The following SNTG1 variants were observed in gnomAD, a reference collection of about 807,000 sequenced individuals.
SNTG1 encodes the protein syntrophin gamma 1, also known as gamma-1-syntrophin.
In SNTG1, 39 loss-of-function variants were observed where a neutral mutation model predicts 74.7. That is an observed-to-expected ratio of 0.52 (90% CI 0.40 to 0.68). The LOEUF (loss-of-function observed/expected upper bound fraction) is 0.68, where lower values mean the gene tolerates loss of function less well. Ranked by LOEUF, SNTG1 falls within the 30% of genes least tolerant of loss-of-function variation. SNTG1 has a pLI of 0.00. For missense variants in SNTG1, 685 were observed against 609.5 expected (o/e 1.12, Z -1.30); for synonymous variants, 254 against 217.1 (o/e 1.17, Z -1.49).
At chr8:49,959,601 C>T (rs1324045948) in intron 1 of SNTG1, among the ~76,000 whole-genome samples, 1 of 152,190 alleles carries the variant, frequency 6.6e-6, no homozygotes, top group Admixed American at 6.5e-5. Context: ...AAGGTCCATC[C>T]ATGTTGTGTA....
chr8:50,667,933 A>C (rs1209876795), intron 15 of SNTG1, among the ~76,000 whole-genome samples: 1 of 152,016 alleles, frequency 6.6e-6, no homozygotes. Context: ...CTGATAATAG[A>C]ACTTTAATTC....
chr8:50,767,478 T>C (rs893739828), intron 18 of SNTG1, among the ~76,000 whole-genome samples: 1 of 151,984 alleles, frequency 6.6e-6, no homozygotes, highest in Non-Finnish European at 1.5e-5. Flanking sequence ...AATTCATAAA[T>C]TCTTACTTCA....
chr8:50,298,415 A>C (rs1046975423), intron 2 of SNTG1, among the ~76,000 whole-genome samples: 14 of 152,094 alleles, frequency 9.2e-5, no homozygotes, highest in Non-Finnish European at 1.5e-4. Context: ...AGAGTGAGGG[A>C]AGCTGCCTTA....
chr8:50,038,183 A>T (rs1818322863), intron 1 of SNTG1, among the ~76,000 whole-genome samples: 1 of 152,152 alleles, frequency 6.6e-6, no homozygotes. Context: ...GTACACGTGG[A>T]AAACAATCAC....
chr8:49,919,039 T>C (rs1365850427), intron 1 of SNTG1, among the ~76,000 whole-genome samples: 3 of 152,298 alleles, frequency 2.0e-5, no homozygotes, highest in Admixed American at 6.5e-5. Context: ...TTTGCCTACG[T>C]GATAACATTT....
At chr8:50,139,559 A>G (rs1310074775) in intron 1 of SNTG1, among the ~76,000 whole-genome samples, 1 of 152,234 alleles carries the variant, frequency 6.6e-6, no homozygotes, top group Non-Finnish European at 1.5e-5. Context: ...ATATGCTAAA[A>G]TAACTCCAAC....
chr8:50,079,433 G>C lies in SNTG1; in HGVS notation c.-102-93128G>C, dbSNP rs564143013. The stretch of plus-strand genomic sequence containing the variant: ...TTGTTTTTTTTTTTCTTGTAAATTT[G>C]TTTAAGTTCCTTGTAGATTCTGGAT... On this transcript the variant is annotated intron_variant, in intron 1 of 18. Coordinates refer to ENST00000642720, the MANE Select transcript of SNTG1 (RefSeq NM_018967.5). 2.3e-4 allele frequency among the ~76,000 whole-genome samples: 34 copies of C among 147,772 alleles called. No homozygotes were observed. The South Asian group carries it at 6.8e-3, about 30-fold the overall frequency.
At chr8:50,379,043 A>T (rs567875138) in intron 2 of SNTG1, among the ~76,000 whole-genome samples, 1 of 152,168 alleles carries the variant, frequency 6.6e-6, no homozygotes, top group Admixed American at 6.5e-5. Context: ...GCAGCTGTTC[A>T]TGGAGCCCAG....
chr8:50,268,912 G>A (rs1199804775), intron 2 of SNTG1, among the ~76,000 whole-genome samples: 5 of 152,068 alleles, frequency 3.3e-5, no homozygotes, highest in African/African-American at 1.2e-4. Context: ...GTCTGCCTCG[G>A]CCTCCTAAAG....
intron 1 of SNTG1, among the ~76,000 whole-genome samples, chr8:49,930,166 T>A (rs1357204480): frequency 6.6e-6 from 1 of 151,986 alleles, no homozygotes; most frequent in Non-Finnish European, 1.5e-5. Context: ...AAGTCTCCCA[T>A]GAACTTTATA....
intron 1 of SNTG1, among the ~76,000 whole-genome samples, chr8:50,028,985 T>A (rs1817516813): frequency 6.6e-6 from 1 of 152,152 alleles, no homozygotes; most frequent in Non-Finnish European, 1.5e-5. Flanking sequence ...TGGTTTTTAA[T>A]GTTGAGTTTT....
At chr8:50,780,926 A>G (rs1479733559) in intron 18 of SNTG1, among the ~76,000 whole-genome samples, 1 of 152,210 alleles carries the variant, frequency 6.6e-6, no homozygotes, top group Admixed American at 6.5e-5. Flanking sequence ...TTGCTTTCAA[A>G]GAACATCTTT....
At chr8:50,117,929 G>A (rs1348955058) in intron 1 of SNTG1, among the ~76,000 whole-genome samples, 2 of 152,100 alleles carry the variant, frequency 1.3e-5, no homozygotes, top group African/African-American at 4.8e-5. Context: ...GAAGTGTGCT[G>A]AGTTCCCTGT....
At chr8:50,156,062 T>C (rs2082245176) in intron 1 of SNTG1, among the ~76,000 whole-genome samples, 1 of 152,104 alleles carries the variant, frequency 6.6e-6, no homozygotes, top group Non-Finnish European at 1.5e-5. Flanking sequence ...CTGCTAAGAC[T>C]AATACAAAAA....
intron 13 of SNTG1, among the ~76,000 whole-genome samples, chr8:50,645,663 A>T (rs973213323): frequency 6.6e-6 from 1 of 152,178 alleles, no homozygotes; most frequent in Non-Finnish European, 1.5e-5. Context: ...TCTCACTGTA[A>T]TGAGAGGACT....
At chr8:50,628,018 C>A (rs1400372291) in intron 13 of SNTG1, among the ~76,000 whole-genome samples, 1 of 152,170 alleles carries the variant, frequency 6.6e-6, no homozygotes, top group Non-Finnish European at 1.5e-5. Flanking sequence ...CTAATCAAGC[C>A]TTGTTCTTTC....
At chr8:50,251,107 T>C (rs189795388) in intron 2 of SNTG1, among the ~76,000 whole-genome samples, 54 of 152,190 alleles carry the variant, frequency 3.5e-4, no homozygotes, top group Admixed American at 3.5e-3. Context: ...AAAAAGTCTA[T>C]AGTATTTTTA....
chr8:50,229,873 G>A (rs1415756962), intron 2 of SNTG1, among the ~76,000 whole-genome samples: 1 of 151,432 alleles, frequency 6.6e-6, no homozygotes, highest in Non-Finnish European at 1.5e-5. Flanking sequence ...CAGAAATCAT[G>A]CAAAGTCTAT....
At chr8:50,090,923 T>C (rs911741036) in intron 1 of SNTG1, among the ~76,000 whole-genome samples, 1 of 152,158 alleles carries the variant, frequency 6.6e-6, no homozygotes, top group Non-Finnish European at 1.5e-5. Flanking sequence ...GTTAAAATTA[T>C]GCTTTTGGAA....
Sources: allele counts gnomAD v4.1 joint callset (sites outside exome capture counted in the v4.1 genomes callset), GRCh38; gene constraint gnomAD v4.1.1; transcripts MANE v1.5; gene names NCBI Gene and HGNC (gene_info 2026-07-23, HGNC 2026-07-21).